The following NKAIN2 variants were observed in gnomAD, a reference collection of about 807,000 sequenced individuals.
NKAIN2 encodes sodium/potassium transporting ATPase interacting 2, also known as sodium/potassium-transporting ATPase subunit beta-1-interacting protein 2.
Under a neutral mutation model 32.6 loss-of-function variants are expected in NKAIN2, and 14 were observed. That is an observed-to-expected ratio of 0.43 (90% CI 0.28 to 0.67). NKAIN2 has a LOEUF of 0.67. NKAIN2 is among the 30% of genes least tolerant of loss of function. The probability of loss-of-function intolerance (pLI) is 0.17; values close to 1 mark genes in which losing one functional copy is unlikely to be tolerated. For synonymous variants in NKAIN2, 80 were observed against 87.2 expected (o/e 0.92, Z 0.46); for missense variants, 198 against 258.3 (o/e 0.77, Z 1.60).
chr6:124,415,475 G>A (rs181802006), intron 3 of NKAIN2, among the ~76,000 whole-genome samples: 5 of 152,312 alleles, frequency 3.3e-5, no homozygotes, highest in South Asian at 4.1e-4. Flanking sequence ...ACCCACATGC[G>A]TTCAGCTATC....
intron 1 of NKAIN2, among the ~76,000 whole-genome samples, chr6:124,040,813 T>A (rs1452093688): frequency 2.0e-5 from 3 of 152,110 alleles, no homozygotes; most frequent in Admixed American, 6.6e-5. Flanking sequence ...AAAAAGGGAA[T>A]GAAAGTGGTA....
intron 3 of NKAIN2, among the ~76,000 whole-genome samples, chr6:124,444,154 G>A (rs1333261680): frequency 6.6e-6 from 1 of 151,976 alleles, no homozygotes; most frequent in Non-Finnish European, 1.5e-5. Flanking sequence ...ATAAATTATT[G>A]ATTCGATAGT....
chr6:124,577,923 G>C (rs956634155), intron 3 of NKAIN2, among the ~76,000 whole-genome samples: 1 of 152,160 alleles, frequency 6.6e-6, no homozygotes, highest in African/African-American at 2.4e-5. Flanking sequence ...ATTCCAGGCC[G>C]TACCTTCTAG....
At chr6:124,185,989 A>G (rs1789706013) in intron 1 of NKAIN2, among the ~76,000 whole-genome samples, 1 of 151,044 alleles carries the variant, frequency 6.6e-6, no homozygotes, top group Non-Finnish European at 1.5e-5. Flanking sequence ...GGAACCGTAG[A>G]AGCTCGGAAA....
intron 1 of NKAIN2, among the ~76,000 whole-genome samples, chr6:124,230,631 C>A (rs1363274639): frequency 6.6e-6 from 1 of 152,176 alleles, no homozygotes. Flanking sequence ...CCAGCGACTC[C>A]AGTCATGACT....
chr6:124,705,007 C>G (rs912768745), intron 4 of NKAIN2, among the ~76,000 whole-genome samples: 9 of 151,974 alleles, frequency 5.9e-5, no homozygotes, highest in Non-Finnish European at 1.2e-4. Flanking sequence ...CAAATCTACC[C>G]TCTTTTCTTT....
chr6:124,316,068 C>T lies in NKAIN2; in HGVS notation c.192+32926C>T, dbSNP rs1032341304. On this transcript the variant is annotated intron_variant, in intron 2 of 6. Coordinates refer to ENST00000368417, the MANE Select transcript of NKAIN2 (RefSeq NM_001040214.3). ...AGGAATAACATCTAGTGTTCAGTAGCACAGTAGGGTGACTAGAGTTAACTT... is the reference window on the plus strand; with the variant it reads ...AGGAATAACATCTAGTGTTCAGTAGTACAGTAGGGTGACTAGAGTTAACTT... 1.3e-4 allele frequency among the ~76,000 whole-genome samples: 19 copies of T among 151,984 alleles called. 1 individual carries two copies. Among genetic ancestry groups the T allele is most frequent in the South Asian group, 1.0e-3 (5 of 4,810 alleles).
intron 4 of NKAIN2, among the ~76,000 whole-genome samples, chr6:124,738,350 T>C (rs1479972011): frequency 6.6e-6 from 1 of 151,856 alleles, no homozygotes; most frequent in African/African-American, 2.4e-5. Context: ...TAAAAATAAC[T>C]TTTAAAATAA....
intron 2 of NKAIN2, among the ~76,000 whole-genome samples, chr6:124,331,528 CAA>C (rs764118499): frequency 0.04 from 2,646 of 66,846 alleles, 30 homozygotes; most frequent in Non-Finnish European, 0.052. Context: ...GACTCCGTCT[CAA>C]AAAAAAAAAA....
At chr6:124,658,892 A>G (rs1000251486) in intron 4 of NKAIN2, 2 of 160,534 alleles carry the variant, frequency 1.2e-5, no homozygotes, top group African/African-American at 4.8e-5. Context: ...TCCAGAAAAA[A>G]TCACATTTTC....
intron 4 of NKAIN2, among the ~76,000 whole-genome samples, chr6:124,778,876 G>C (rs1475897032): frequency 6.6e-6 from 1 of 152,060 alleles, no homozygotes; most frequent in African/African-American, 2.4e-5. Flanking sequence ...CTTCTTGTAG[G>C]AATGGCTGAA....
intron 2 of NKAIN2, among the ~76,000 whole-genome samples, chr6:124,344,153 A>T (rs1798283165): frequency 1.3e-5 from 2 of 152,132 alleles, no homozygotes; most frequent in South Asian, 4.2e-4. Flanking sequence ...GATATGCAGC[A>T]TTATTTCTGA....
intron 1 of NKAIN2, among the ~76,000 whole-genome samples, chr6:124,064,254 T>C (rs1783055556): frequency 6.6e-6 from 1 of 152,184 alleles, no homozygotes; most frequent in Admixed American, 6.6e-5. Context: ...TTACATATGA[T>C]TACAGATTAT....
chr6:123,827,060 T>C (rs369360964), intron 1 of NKAIN2, among the ~76,000 whole-genome samples: 1 of 152,154 alleles, frequency 6.6e-6, no homozygotes, highest in Non-Finnish European at 1.5e-5. Flanking sequence ...TGGAATCTCA[T>C]TGTGGTTCTG....
chr6:124,181,869 T>C (rs973106877), intron 1 of NKAIN2, among the ~76,000 whole-genome samples: 4 of 152,184 alleles, frequency 2.6e-5, no homozygotes, highest in Non-Finnish European at 5.9e-5. Flanking sequence ...TGTGTCTTCT[T>C]CTGAGCCCTT....
chr6:124,583,465 T>G (rs1781596888), intron 3 of NKAIN2, among the ~76,000 whole-genome samples: 4 of 151,950 alleles, frequency 2.6e-5, no homozygotes, highest in Admixed American at 2.6e-4. Flanking sequence ...CCAAAATAAA[T>G]TGAAAAGAAT....
intron 1 of NKAIN2, among the ~76,000 whole-genome samples, chr6:123,846,984 A>C (rs1323104687): frequency 6.6e-6 from 1 of 152,210 alleles, no homozygotes; most frequent in Admixed American, 6.5e-5. Context: ...AGTACTATGT[A>C]AGATGGCTAA....
intron 3 of NKAIN2, among the ~76,000 whole-genome samples, chr6:124,371,346 G>A (rs1206891820): frequency 2.6e-5 from 4 of 151,698 alleles, no homozygotes; most frequent in African/African-American, 7.3e-5. Flanking sequence ...CTAGAAAGAT[G>A]AGCATTCTTA....
chr6:124,636,882 A>G (rs1235259544), intron 3 of NKAIN2, among the ~76,000 whole-genome samples: 5 of 152,092 alleles, frequency 3.3e-5, no homozygotes, highest in African/African-American at 1.2e-4. Flanking sequence ...TTTCTAGCTA[A>G]TTATACAAGG....
Sources: gnomAD v4.1 joint callset for allele counts (sites outside exome capture counted in the v4.1 genomes callset) on GRCh38, gnomAD v4.1.1 for gene constraint, MANE v1.5 for transcripts, NCBI Gene and HGNC (gene_info 2026-07-23, HGNC 2026-07-21) for gene names.